The following PRKACB variants were observed in gnomAD, a reference collection of about 807,000 sequenced individuals.
PRKACB encodes protein kinase cAMP-activated catalytic subunit beta.
A neutral mutation model predicts 51.4 loss-of-function variants in PRKACB; 16 were observed. The ratio of observed to expected loss-of-function variants is 0.31; its 90% CI spans 0.21 to 0.47. The LOEUF (loss-of-function observed/expected upper bound fraction) is 0.47. PRKACB is among the 20% of genes least tolerant of loss of function. PRKACB has a pLI of 1.00. For synonymous variants in PRKACB, 147 were observed against 154.4 expected (o/e 0.95, Z 0.35); for missense variants, 309 against 464.5 (o/e 0.67, Z 3.08).
chr1:84,177,609 G>A (rs576238697), intron 1 of PRKACB, among the ~76,000 whole-genome samples: 5 of 152,082 alleles, frequency 3.3e-5, no homozygotes, highest in Non-Finnish European at 2.9e-5. Flanking sequence ...AGACTTGGTG[G>A]TGCACATCTG....
At chr1:84,185,316 A>G in intron 5 of PRKACB, 134 bp downstream of exon 5, 1 of 560,468 alleles carries the variant, frequency 1.8e-6, no homozygotes, top group Non-Finnish European at 3.1e-6. Context: ...AGGTGGAAAC[A>G]AAGAGGCCAC....
chr1:84,078,508 G>T (rs1204597339), intron 1 of PRKACB: 1 of 974,276 alleles, frequency 1.0e-6, no homozygotes, highest in Admixed American at 2.8e-5. Context: ...CTGGGGGGCC[G>T]GGAGACCAGC....
At chr1:84,111,839 A>G (rs988565299) in intron 1 of PRKACB, among the ~76,000 whole-genome samples, 29 of 152,308 alleles carry the variant, frequency 1.9e-4, no homozygotes, top group African/African-American at 6.0e-4. Flanking sequence ...ATATATATAT[A>G]TGACTGCAAA....
chr1:84,166,248 T>A (rs1051548409), intron 1 of PRKACB, among the ~76,000 whole-genome samples: 1 of 151,710 alleles, frequency 6.6e-6, no homozygotes, highest in African/African-American at 2.4e-5. Flanking sequence ...CAAAAACAAC[T>A]TAACATTCCT....
chr1:84,215,646 A>C (rs1000611236), intron 9 of PRKACB, among the ~76,000 whole-genome samples: 5 of 152,196 alleles, frequency 3.3e-5, no homozygotes, highest in African/African-American at 1.2e-4. Context: ...AAAAGAAACT[A>C]GTATTTTGTT....
chr1:84,106,856 A>T (rs1649794636), intron 1 of PRKACB, among the ~76,000 whole-genome samples: 1 of 152,216 alleles, frequency 6.6e-6, no homozygotes, highest in African/African-American at 2.4e-5. Flanking sequence ...TTCAAACTGT[A>T]CTATAAGGCT....
At chr1:84,086,854 G>C (rs751895468) in intron 1 of PRKACB, among the ~76,000 whole-genome samples, 1 of 152,180 alleles carries the variant, frequency 6.6e-6, no homozygotes, top group African/African-American at 2.4e-5. Context: ...GCCCTGGAGA[G>C]CCTTGACTCT....
At chr1:84,205,133 A>C (rs1057738) in intron 8 of PRKACB, 518,155 of 979,392 alleles carry the variant, frequency 0.53, 141,207 homozygotes, top group Non-Finnish European at 0.56. Context: ...GTACCAGATT[A>C]TCTCTCCCCA....
chr1:84,164,846 CTT>C (rs1292512469), intron 1 of PRKACB: 2 of 1,386,642 alleles, frequency 1.4e-6, no homozygotes, highest in East Asian at 5.3e-5. Flanking sequence ...AGGGGCTTCT[CTT>C]TTTAAAACAA....
At chr1:84,179,139 C>A (rs765777839) in intron 1 of PRKACB, 38 bp from the exon 2 acceptor site, 75 of 1,530,804 alleles carry the variant, frequency 4.9e-5, no homozygotes, top group African/African-American at 5.6e-5. Flanking sequence ...TATAAATATT[C>A]TTACAAGATA....
chr1:84,167,394 T>C (rs1486886061), intron 1 of PRKACB, among the ~76,000 whole-genome samples: 3 of 151,652 alleles, frequency 2.0e-5, no homozygotes. Context: ...CTAGCCATAC[T>C]ATATTACATA....
chr1:84,123,320 T>G (rs1455290583), intron 1 of PRKACB, among the ~76,000 whole-genome samples: 1 of 152,204 alleles, frequency 6.6e-6, no homozygotes, highest in East Asian at 1.9e-4. Context: ...AAGCTATTTA[T>G]CAGAATCATC....
Position 84,233,682 on chromosome 1 carries a change from AC to A in PRKACB, c.1072-1495del, listed in dbSNP as rs1366745869. Among the ~76,000 whole-genome samples the A allele has an allele frequency of 2.2e-3, 281 of 128,008 alleles. No homozygotes were observed. In the East Asian group the frequency reaches 0.058, roughly 27 times the overall value. The allele number at this position is 128,008 out of a possible 152,430, so 84.0% of individuals were successfully genotyped here. The stretch of plus-strand genomic sequence containing the variant: ...ATTCATTTCATCTTCCATTGCTGAT[AC>A]CCTTTCTTCCAGTTGATCGCATCGG... On this transcript the variant is annotated intron_variant, in intron 9 of 9. Transcript: ENST00000370685.
chr1:84,136,489 ACC>A (rs1491149217), intron 1 of PRKACB, among the ~76,000 whole-genome samples: 3 of 64,290 alleles, frequency 4.7e-5, no homozygotes, highest in African/African-American at 1.4e-4. Context: ...AACGGCCAAA[ACC>A]ACACACACAC....
At chr1:84,219,875 G>A (rs1673453475) in intron 9 of PRKACB, among the ~76,000 whole-genome samples, 2 of 151,888 alleles carry the variant, frequency 1.3e-5, no homozygotes, top group South Asian at 2.1e-4. Flanking sequence ...TTTGAAGTCA[G>A]GTAGTGTGAT....
intron 9 of PRKACB, among the ~76,000 whole-genome samples, chr1:84,224,042 TG>T (rs1486201723): frequency 6.6e-6 from 1 of 152,226 alleles, no homozygotes; most frequent in Non-Finnish European, 1.5e-5. Context: ...GCTTTTATTC[TG>T]GGTGCATGCA....
At chr1:84,159,181 A>G (rs1052996918) in intron 1 of PRKACB, among the ~76,000 whole-genome samples, 40 of 152,246 alleles carry the variant, frequency 2.6e-4, no homozygotes, top group East Asian at 7.7e-4. Context: ...GAAAAGCTTT[A>G]TTAGATTTTC....
At chr1:84,175,821 CT>C in intron 1 of PRKACB, 1 of 1,552,344 alleles carries the variant, frequency 6.4e-7, no homozygotes, top group Non-Finnish European at 8.7e-7. Context: ...TGCTCATTTC[CT>C]TTAGAATGCA....
chr1:84,085,871 T>A, intron 1 of PRKACB: 1 of 581,294 alleles, frequency 1.7e-6, no homozygotes, highest in Non-Finnish European at 3.2e-6. Flanking sequence ...GGCCTGGCTG[T>A]AACACCCAAC....
Sources: gnomAD v4.1 joint callset for allele counts (sites outside exome capture counted in the v4.1 genomes callset) on GRCh38, gnomAD v4.1.1 for gene constraint, MANE v1.5 for transcripts, NCBI Gene and HGNC (gene_info 2026-07-23, HGNC 2026-07-21) for gene names.